Variants in LRCH1 observed in about 807,000 individuals in gnomAD.
The protein encoded by LRCH1 is leucine rich repeats and calponin homology domain containing 1, also known as leucine-rich repeat and calponin homology domain-containing protein 1.
Under a neutral mutation model 94.9 loss-of-function variants are expected in LRCH1, and 23 were observed. The ratio of observed to expected loss-of-function variants is 0.24; its 90% CI spans 0.17 to 0.34. LRCH1 has a LOEUF of 0.34. Ranked by LOEUF, LRCH1 falls within the 10% of genes least tolerant of loss-of-function variation. The probability of loss-of-function intolerance (pLI) is 1.00; values close to 1 mark genes in which losing one functional copy is unlikely to be tolerated. For missense variants in LRCH1, 790 were observed against 945.9 expected (o/e 0.84, Z 2.16); for synonymous variants, 364 against 354.9 (o/e 1.03, Z -0.29).
At chr13:46,628,482 C>T (rs1309190672) in intron 1 of LRCH1, among the ~76,000 whole-genome samples, 1 of 151,932 alleles carries the variant, frequency 6.6e-6, no homozygotes, top group Non-Finnish European at 1.5e-5. Context: ...ATGGTGAAAT[C>T]CCGTCTCCAC....
chr13:46,595,298 T>C (rs1364274936), intron 1 of LRCH1, among the ~76,000 whole-genome samples: 1 of 152,206 alleles, frequency 6.6e-6, no homozygotes, highest in Non-Finnish European at 1.5e-5. Context: ...CCTTTCCTGA[T>C]GGTGCTGCAT....
chr13:46,711,886 A>G, intron 14 of LRCH1, 42 bp downstream of exon 14: 1 of 1,426,678 alleles, frequency 7.0e-7, no homozygotes, highest in Non-Finnish European at 9.9e-7. Context: ...GTGTTTCTTG[A>G]TGGCTGGATT....
At chr13:46,601,776 G>C (rs1232994747) in intron 1 of LRCH1, among the ~76,000 whole-genome samples, 1 of 152,130 alleles carries the variant, frequency 6.6e-6, no homozygotes, top group African/African-American at 2.4e-5. Flanking sequence ...GCTGTTTTTC[G>C]TAGGGGGTTA....
At chr13:46,727,444 G>A (rs1050255185) in intron 17 of LRCH1, among the ~76,000 whole-genome samples, 1 of 152,230 alleles carries the variant, frequency 6.6e-6, no homozygotes, top group African/African-American at 2.4e-5. Context: ...AGAAGGAAAG[G>A]AGAATGGGAG....
rs151059020 is a variant in LRCH1 at position 46,744,725 on chromosome 13, C to T, written c.*2877C>T. ...TCATAAGGACAAAAGGGTGTTTTGC[C>T]TTTGCCTGTGGGGAAAAAGTAGGGA... On this transcript the variant is annotated 3_prime_UTR_variant, in exon 20 of 20. Transcript: ENST00000389797. 2 of 985,336 alleles carry T rather than the reference C, an allele frequency of 2.0e-6. No individual in the cohort carries two copies. The highest frequency in any genetic ancestry group is 3.5e-5 in the African/African-American group (2 of 57,336). 61.0% of individuals were successfully genotyped at this position (985,336 alleles called of 1,614,324 possible).
At chr13:46,671,018 T>C (rs1315712023) in intron 3 of LRCH1, among the ~76,000 whole-genome samples, 2 of 152,222 alleles carry the variant, frequency 1.3e-5, no homozygotes, top group Non-Finnish European at 2.9e-5. Flanking sequence ...CACAGGGCAT[T>C]CGAGGCCTTC....
At chr13:46,637,103 C>T (rs1208623648) in intron 1 of LRCH1, among the ~76,000 whole-genome samples, 1 of 152,234 alleles carries the variant, frequency 6.6e-6, no homozygotes, top group Non-Finnish European at 1.5e-5. Flanking sequence ...CAACTCCGTT[C>T]TTCCAATTTC....
exon 19 of LRCH1, chr13:46,751,704 A>C (rs1180444836): frequency 6.6e-6 from 1 of 152,220 alleles, no homozygotes; most frequent in East Asian, 1.9e-4. Flanking sequence ...AGAGCTTAGC[A>C]CCAAAGGTAG....
intron 1 of LRCH1, among the ~76,000 whole-genome samples, chr13:46,591,857 C>A (rs2137963388): frequency 6.6e-6 from 1 of 152,310 alleles, no homozygotes; most frequent in Admixed American, 6.5e-5. Flanking sequence ...CAATTCAATT[C>A]ATTGGATCCG....
Position 46,728,867 on chromosome 13 carries a change from G to T in LRCH1, c.1890G>T (p.Lys630Asn), listed in dbSNP as rs1245173537. The T allele has an allele frequency of 1.2e-6, 2 of 1,608,868 alleles. No individual in the cohort carries two copies. The highest frequency in any genetic ancestry group is 2.7e-5 in the African/African-American group (2 of 74,844). ...QLRESIEMRLKVSLHEDLGAA... is the reference protein window; with the variant it reads ...QLRESIEMRLNVSLHEDLGAA... ...AACAGAGCATTGAGATGAGATTGAA[G>T]GTCAGTCTACACGAAGACCTGGGGG... Residue 630 changes from lysine to asparagine, a missense_variant, in exon 18 of 20, where the codon AAG (lysine) becomes AAT (asparagine). By Grantham distance (94) the Lys-to-Asn change is moderately conservative. Transcript: ENST00000389797.
chr13:46,607,556 C>T lies in LRCH1; in HGVS notation c.308-42645C>T, dbSNP rs560669773. On this transcript the variant is annotated intron_variant, in intron 1 of 19. Transcript: ENST00000389797. ...AATAAATAGAGTCAGTGAGGACCTT[C>T]TTGCCCTCATGATTCATTGTTCTTC... 2.0e-4 allele frequency among the ~76,000 whole-genome samples: 31 copies of T among 152,180 alleles called. 1 individual carries two copies. The South Asian group carries it at 6.4e-3, about 32-fold the overall frequency.
intron 16 of LRCH1, among the ~76,000 whole-genome samples, chr13:46,723,013 T>G (rs1872653777): frequency 6.6e-6 from 1 of 152,230 alleles, no homozygotes; most frequent in African/African-American, 2.4e-5. Flanking sequence ...AAATACAGCT[T>G]GTTAGTCCAC....
chr13:46,669,399 C>T (rs116319238), intron 3 of LRCH1, among the ~76,000 whole-genome samples: 23 of 152,086 alleles, frequency 1.5e-4, no homozygotes, highest in South Asian at 4.2e-4. Flanking sequence ...CAGGATTTGC[C>T]GTTTTTGAAG....
At chr13:46,573,880 T>TTTTTTTTTA (rs2050272183) in intron 1 of LRCH1, among the ~76,000 whole-genome samples, 1 of 62,766 alleles carries the variant, frequency 1.6e-5, no homozygotes, top group Non-Finnish European at 3.7e-5. Flanking sequence ...TTTTTTTTTT[T>TTTTTTTTTA]GAGATGGAGT....
At chr13:46,669,230 C>CT (rs781143321) in intron 3 of LRCH1, 74 bp downstream of exon 3, 46 of 1,553,928 alleles carry the variant, frequency 3.0e-5, no homozygotes, top group African/African-American at 6.8e-5. Flanking sequence ...TTCAGAAAAC[C>CT]TTTTTGCTAC....
At chr13:46,704,466 A>G (rs1004670946) in intron 11 of LRCH1, among the ~76,000 whole-genome samples, 1 of 152,066 alleles carries the variant, frequency 6.6e-6, no homozygotes, top group African/African-American at 2.4e-5. Flanking sequence ...CAGCATTTTC[A>G]TAGGCCTCTA....
chr13:46,607,971 G>A (rs1348486895), intron 1 of LRCH1, among the ~76,000 whole-genome samples: 1 of 152,154 alleles, frequency 6.6e-6, no homozygotes, highest in African/African-American at 2.4e-5. Flanking sequence ...AGGGATGTGG[G>A]AAGGCCACAG....
intron 6 of LRCH1, among the ~76,000 whole-genome samples, chr13:46,688,379 A>G (rs1870728269): frequency 6.6e-6 from 1 of 152,206 alleles, no homozygotes; most frequent in Non-Finnish European, 1.5e-5. Context: ...ATGCCTCCAG[A>G]ACAATGTTAA....
At chr13:46,591,778 A>C (rs1236552047) in intron 1 of LRCH1, among the ~76,000 whole-genome samples, 1 of 152,238 alleles carries the variant, frequency 6.6e-6, no homozygotes, top group Non-Finnish European at 1.5e-5. Context: ...CAAAAGAAAA[A>C]TAGGGGCTTG....
Sources: allele counts gnomAD v4.1 joint callset (sites outside exome capture counted in the v4.1 genomes callset), GRCh38; gene constraint gnomAD v4.1.1; transcripts MANE v1.5; gene names NCBI Gene and HGNC (gene_info 2026-07-23, HGNC 2026-07-21).